Variants in FMNL3 observed in about 807,000 individuals in gnomAD.
FMNL3 encodes formin-like protein 3.
Under a neutral mutation model 119.6 loss-of-function variants are expected in FMNL3, and 57 were observed. The observed-to-expected ratio is 0.48, with a 90% CI of 0.39 to 0.59. The LOEUF (loss-of-function observed/expected upper bound fraction) is 0.59, where lower values mean the gene tolerates loss of function less well. Ranked by LOEUF, FMNL3 falls within the 20% of genes least tolerant of loss-of-function variation. FMNL3 has a pLI of 0.00. For synonymous variants in FMNL3, 491 were observed against 507.3 expected, an observed-to-expected ratio of 0.97 and a Z score of 0.43; for missense variants, 1,053 against 1,323.5, an observed-to-expected ratio of 0.80 and a Z score of 3.17.
intron 4 of FMNL3, among the ~76,000 whole-genome samples, chr12:49,662,531 C>A (rs893540275): frequency 6.6e-6 from 1 of 152,188 alleles, no homozygotes; most frequent in Non-Finnish European, 1.5e-5. Context: ...GGAACAGAGG[C>A]ATCCTGGGGC....
chr12:49,692,034 CAAAAAAAAAA>C (rs773991970), intron 1 of FMNL3, among the ~76,000 whole-genome samples: 1 of 23,134 alleles, frequency 4.3e-5, no homozygotes, highest in Admixed American at 5.8e-4. Context: ...GACTCCATCT[CAAAAAAAAAA>C]AAAAAAAAAA....
intron 9 of FMNL3, among the ~76,000 whole-genome samples, chr12:49,656,201 A>G (rs1272076391): frequency 2.0e-5 from 3 of 152,096 alleles, no homozygotes; most frequent in African/African-American, 7.2e-5. Flanking sequence ...TAGCTGGCCA[A>G]TCAGGAGGTT....
At chr12:49,654,116 TAAAAGA>T in intron 11 of FMNL3, 70 bp downstream of exon 11, 1 of 1,416,562 alleles carries the variant, frequency 7.1e-7, no homozygotes, top group East Asian at 2.4e-5. Flanking sequence ...TAGGCACTTA[TAAAAGA>T]AAAATCATTT....
At chr12:49,656,725 G>C in intron 8 of FMNL3, 98 bp downstream of exon 8, 2 of 1,212,260 alleles carry the variant, frequency 1.6e-6, no homozygotes, top group Admixed American at 1.8e-5. Flanking sequence ...GCTCTTGACA[G>C]GACTCCAAGG....
In FMNL3 at chr12:49,644,502, G is replaced by A. The variant is rs1943073020; in HGVS notation, c.*1313C>T. 2 of 384,578 alleles carry A rather than the reference G, an allele frequency of 5.2e-6. No individual in the cohort carries two copies. The highest frequency in any genetic ancestry group is 3.6e-4 in the Middle Eastern group (1 of 2,770). 23.8% of individuals were successfully genotyped at this position (384,578 alleles called of 1,614,324 possible). On this transcript the variant is annotated 3_prime_UTR_variant, in exon 26 of 26. Coordinates refer to ENST00000335154, the MANE Select transcript of FMNL3 (RefSeq NM_175736.5). Reference sequence around the variant, plus strand: ...GGTCTCCAGGGAAGAGTCACAGGCTGTTGGACGCAGCCTGGGTGGCAGAGG... The same window carrying A: ...GGTCTCCAGGGAAGAGTCACAGGCTATTGGACGCAGCCTGGGTGGCAGAGG...
rs756275184 is a variant in FMNL3, at chr12:49,654,173, A to G, written c.1071+19T>C. ...TGATCCCAAAGCACCTCACCTTACA[A>G]GGACCCCAGCCAGCTCACCTGCAGG... On this transcript the variant is annotated intron_variant, in intron 11 of 25. Coordinates refer to ENST00000335154, the MANE Select transcript of FMNL3 (RefSeq NM_175736.5). The G allele has an allele frequency of 3.1e-6, 5 of 1,606,976 alleles. No individual in the cohort carries two copies. Among genetic ancestry groups the G allele is most frequent in the Non-Finnish European group, 4.3e-6 (5 of 1,173,916 alleles).
At chr12:49,695,479 C>T (rs980826433) in intron 1 of FMNL3, among the ~76,000 whole-genome samples, 4 of 152,158 alleles carry the variant, frequency 2.6e-5, no homozygotes, top group African/African-American at 9.7e-5. Flanking sequence ...TTAGTTAACC[C>T]CTCTGAGCCC....
intron 1 of FMNL3, among the ~76,000 whole-genome samples, chr12:49,670,283 A>AAT (rs1430210935): frequency 1.3e-5 from 2 of 152,242 alleles, no homozygotes; most frequent in Admixed American, 6.5e-5. Context: ...GAACCAAAAG[A>AAT]AAATCCCAAA....
chr12:49,658,399 G>T, intron 6 of FMNL3, 43 bp downstream of exon 6: 1 of 1,550,716 alleles, frequency 6.4e-7, no homozygotes, highest in Non-Finnish European at 8.7e-7. Flanking sequence ...CTGCACTGAA[G>T]GGTAGGGTGG....
chr12:49,637,888 C>T lies in FMNL3; in HGVS notation c.*7927G>A. The T allele has an allele frequency of 7.3e-7, 1 of 1,365,770 alleles. No homozygotes were observed. Among genetic ancestry groups the T allele is most frequent in the Non-Finnish European group, 1.0e-6 (1 of 963,434 alleles). The allele number at this position is 1,365,770 out of a possible 1,614,324, so 84.6% of individuals were successfully genotyped here. A position where few individuals can be genotyped will look rare whatever the true frequency, so the allele number is the denominator to read the frequency against. On this transcript the variant is annotated 3_prime_UTR_variant, in exon 26 of 26. Transcript: ENST00000335154. ...TGCAGGGCACACTCCCTGCAGAGGA[C>T]TCCCTGATAAGTCCTGTTTTGCAGA...
chr12:49,689,594 G>C (rs1347199047), intron 1 of FMNL3, among the ~76,000 whole-genome samples: 1 of 152,160 alleles, frequency 6.6e-6, no homozygotes, highest in African/African-American at 2.4e-5. Flanking sequence ...AAGCACAACT[G>C]TAGTCCCAGC....
At position 49,647,248 on chromosome 12, in the gene FMNL3, C is replaced by G. The variant is rs763603378; in HGVS notation, c.2871+28G>C. On this transcript the variant is annotated intron_variant, in intron 24 of 25. Transcript: ENST00000335154. This position sits in a 1 kb window ranked among gnomAD's most constrained non-coding sequence, Gnocchi z 4.9. ...CCCCACTCTTTTGCCTTGTCGTCCT[C>G]CAGGCCCCAGCTCTTGGTCCCACCC... 6.2e-7 allele frequency: 1 copy of G among 1,613,330 alleles called. No homozygotes were observed.
At chr12:49,653,437 G>A in intron 12 of FMNL3, 110 bp from the exon 13 acceptor site, 1 of 1,121,808 alleles carries the variant, frequency 8.9e-7, no homozygotes, top group East Asian at 2.4e-5. Flanking sequence ...AGGCCACAAA[G>A]GCAGCTTAGT....
At chr12:49,705,195 CAGAAACAA>C in intron 1 of FMNL3, among the ~76,000 whole-genome samples, 1 of 152,132 alleles carries the variant, frequency 6.6e-6, no homozygotes, top group Non-Finnish European at 1.5e-5. Flanking sequence ...CTCAGGCACA[CAGAAACAA>C]GACCAAAACA....
chr12:49,655,322 C>T (rs1238088680), intron 9 of FMNL3, among the ~76,000 whole-genome samples: 2 of 152,178 alleles, frequency 1.3e-5, no homozygotes, highest in Non-Finnish European at 2.9e-5. Flanking sequence ...GTCCCAGCTA[C>T]TTGGGAGGCA....
chr12:49,701,170 A>G (rs1302900014), intron 1 of FMNL3, among the ~76,000 whole-genome samples: 1 of 152,162 alleles, frequency 6.6e-6, no homozygotes, highest in Non-Finnish European at 1.5e-5. Flanking sequence ...TCAGTTTACA[A>G]AACAATATAC....
chr12:49,675,438 C>T (rs1944160430), intron 1 of FMNL3, among the ~76,000 whole-genome samples: 1 of 152,210 alleles, frequency 6.6e-6, no homozygotes, highest in Non-Finnish European at 1.5e-5. Flanking sequence ...TGCAGCCAAC[C>T]AACGACCTCC....
intron 25 of FMNL3, 25 bp downstream of exon 25, chr12:49,646,861 C>G (rs193247460): frequency 9.3e-5 from 150 of 1,612,626 alleles, no homozygotes; most frequent in Middle Eastern, 5.0e-4. Flanking sequence ...AATGGCCAGG[C>G]CCCAGGGAGT....
At chr12:49,651,676 T>C (rs866902170) in intron 14 of FMNL3, among the ~76,000 whole-genome samples, 2 of 152,226 alleles carry the variant, frequency 1.3e-5, no homozygotes, top group African/African-American at 4.8e-5. Flanking sequence ...AAGCCTCTCC[T>C]TGGCTGTCTT....
Sources: allele counts gnomAD v4.1 joint callset (sites outside exome capture counted in the v4.1 genomes callset), GRCh38; gene constraint gnomAD v4.1.1; non-coding constraint Gnocchi (gnomAD v3.1); transcripts MANE v1.5; gene names NCBI Gene and HGNC (gene_info 2026-07-23, HGNC 2026-07-21).